SLC6A2: variants seen among roughly 807,000 people sequenced by gnomAD.
SLC6A2 encodes the protein solute carrier family 6 member 2.
SLC6A2 carries 26 observed loss-of-function variants against 71.7 expected under a neutral mutation model. The observed-to-expected ratio is 0.36, with a 90% CI of 0.27 to 0.50. SLC6A2 has a LOEUF of 0.50. Ranked by LOEUF, SLC6A2 falls within the 20% of genes least tolerant of loss-of-function variation. The pLI, the probability that SLC6A2 is intolerant of heterozygous loss-of-function variation, is 0.96. For missense variants in SLC6A2, 581 were observed against 803.9 expected (o/e 0.72, Z 3.35); for synonymous variants, 363 against 337.9 (o/e 1.07, Z -0.82).
rs371816283 is a variant in SLC6A2 at position 55,671,940 on chromosome 16, G to A, written c.409G>A (p.Val137Ile). The A allele has an allele frequency of 6.2e-7, 1 of 1,614,110 alleles. No homozygotes were observed. The highest frequency in any genetic ancestry group is 1.1e-5 in the South Asian group (1 of 91,078). ...VWKICPFFKG[V>I]GYAVILIALY... ...CCTTACCCCCTGTCCCTGCCCAGGCGTTGGCTATGCTGTCATCCTGATCGC... is the reference window on the plus strand; with the variant it reads ...CCTTACCCCCTGTCCCTGCCCAGGCATTGGCTATGCTGTCATCCTGATCGC... The change falls in exon 4 of 15, where the codon GTT (valine) becomes ATT (isoleucine). Residue 137 changes from valine (V) to isoleucine (I), a missense_variant and splice_region_variant. By Grantham distance (29) the Val-to-Ile change is conservative. Around this residue, in one of 5 missense-constraint regions of SLC6A2, gnomAD observed 81 missense variants for 152.4 expected, o/e 0.53. Coordinates refer to ENST00000568943, the MANE Select transcript of SLC6A2 (RefSeq NM_001172501.3).
At chr16:55,697,839 A>G in intron 9 of SLC6A2, 58 bp from the exon 10 acceptor site, 1 of 1,605,206 alleles carries the variant, frequency 6.2e-7, no homozygotes, top group Non-Finnish European at 8.5e-7. Context: ...CTGGGGCCTG[A>G]GACTGAGGTC....
At chr16:55,686,450 T>G (rs1183686975) in intron 5 of SLC6A2, among the ~76,000 whole-genome samples, 1 of 152,128 alleles carries the variant, frequency 6.6e-6, no homozygotes, top group East Asian at 1.9e-4. Context: ...ATTGTCCCAG[T>G]GGCCAAAACA....
chr16:55,705,438 G>T lies in SLC6A2; in HGVS notation c.*3092G>T, dbSNP rs1358415959. 1.7e-5 allele frequency: 10 copies of T among 576,020 alleles called. No individual in the cohort carries two copies. The highest frequency in any genetic ancestry group is 2.4e-5 in the Non-Finnish European group (8 of 329,180). The allele number at this position is 576,020 out of a possible 1,614,324, so 35.7% of individuals were successfully genotyped here. ...GAAGCCCATTGAACTCACTTTATTT[G>T]TTTATTTCCTTCGAAAGCCACCGAA... On this transcript the variant is annotated 3_prime_UTR_variant, in exon 15 of 15. Coordinates refer to ENST00000568943, the MANE Select transcript of SLC6A2 (RefSeq NM_001172501.3).
chr16:55,683,608 C>T (rs1046365135), intron 4 of SLC6A2, among the ~76,000 whole-genome samples: 4 of 136,402 alleles, frequency 2.9e-5, no homozygotes, highest in South Asian at 2.3e-4. Context: ...AGTGAAACTC[C>T]GTCTCAAACA....
chr16:55,678,616 G>A (rs1965170543), intron 4 of SLC6A2, among the ~76,000 whole-genome samples: 1 of 152,114 alleles, frequency 6.6e-6, no homozygotes, highest in African/African-American at 2.4e-5. Context: ...TGTGTAAAAG[G>A]CCACCTTTGG....
chr16:55,687,629 C>A (rs1356727316), intron 5 of SLC6A2, among the ~76,000 whole-genome samples: 1 of 152,200 alleles, frequency 6.6e-6, no homozygotes, highest in Non-Finnish European at 1.5e-5. Flanking sequence ...CAGACAGAGA[C>A]CCTGAGGGGA....
At position 55,705,046 on chromosome 16, in the gene SLC6A2, G is replaced by A. The variant is rs150058368; in HGVS notation, c.*2700G>A. ...TTGTTTTTAATAGCAGAGGTCACCC[G>A]GGACAAGGGTGCTGTGTACTGTATA... On this transcript the variant is annotated 3_prime_UTR_variant, in exon 15 of 15. Coordinates refer to ENST00000568943, the MANE Select transcript of SLC6A2 (RefSeq NM_001172501.3). 1.7e-4 allele frequency: 89 copies of A among 523,266 alleles called. No individual in the cohort carries two copies. The highest frequency in any genetic ancestry group is 1.3e-3 in the African/African-American group (68 of 52,160). The allele number at this position is 523,266 out of a possible 1,614,324, so 32.4% of individuals were successfully genotyped here. A position where few individuals can be genotyped will look rare whatever the true frequency, so the allele number is the denominator to read the frequency against.
At chr16:55,679,205 A>G (rs1388372872) in intron 4 of SLC6A2, among the ~76,000 whole-genome samples, 2 of 151,770 alleles carry the variant, frequency 1.3e-5, no homozygotes, top group Non-Finnish European at 2.9e-5. Flanking sequence ...GGGTCAGTAC[A>G]TGCCTCTGGT....
chr16:55,659,692 C>G (rs1351450759), intron 2 of SLC6A2, among the ~76,000 whole-genome samples: 1 of 152,296 alleles, frequency 6.6e-6, no homozygotes, highest in Admixed American at 6.5e-5. Context: ...TGCTCCAAGC[C>G]CTCAAAGACC....
chr16:55,694,156 G>A, intron 7 of SLC6A2, 43 bp downstream of exon 7: 1 of 1,363,260 alleles, frequency 7.3e-7, no homozygotes, highest in Non-Finnish European at 1.1e-6. Context: ...AAATCCTGGG[G>A]ATTGACTCTT....
At chr16:55,698,611 GA>G in intron 11 of SLC6A2, 43 bp downstream of exon 11, 1 of 1,382,910 alleles carries the variant, frequency 7.2e-7, no homozygotes, top group South Asian at 1.2e-5. Flanking sequence ...AGTCCTCCTA[GA>G]ATCCTGCACC....
rs771345537 is a variant in SLC6A2 at position 55,685,112 on chromosome 16, A to G, written c.645-31A>G. 49 of 1,613,220 alleles carry G rather than the reference A, an allele frequency of 3.0e-5. No individual in the cohort carries two copies. The African/African-American group carries it at 5.9e-4, about 19-fold the overall frequency. Reference sequence around the variant, plus strand: ...TCTGTCGTCCTCCCTGACGACATTTACCCTGGTCCCCTCCCCTCTCCTCTG... The same window carrying G: ...TCTGTCGTCCTCCCTGACGACATTTGCCCTGGTCCCCTCCCCTCTCCTCTG... On this transcript the variant is annotated intron_variant, in intron 4 of 14. Coordinates refer to ENST00000568943, the MANE Select transcript of SLC6A2 (RefSeq NM_001172501.3).
At chr16:55,681,368 C>T (rs1965266450) in intron 4 of SLC6A2, among the ~76,000 whole-genome samples, 1 of 152,184 alleles carries the variant, frequency 6.6e-6, no homozygotes, top group African/African-American at 2.4e-5. Context: ...TGCCACCAGC[C>T]CCCGGCACAC....
At chr16:55,679,506 C>A (rs540061820) in intron 4 of SLC6A2, among the ~76,000 whole-genome samples, 1 of 152,244 alleles carries the variant, frequency 6.6e-6, no homozygotes, top group East Asian at 1.9e-4. Flanking sequence ...GGATTGAAGG[C>A]GTGAGCCACC....
chr16:55,690,498 C>T (rs1965582796), intron 5 of SLC6A2, among the ~76,000 whole-genome samples: 1 of 152,182 alleles, frequency 6.6e-6, no homozygotes, highest in African/African-American at 2.4e-5. Flanking sequence ...CCTGGGGCTA[C>T]ATAGTTCCAG....
intron 4 of SLC6A2, among the ~76,000 whole-genome samples, chr16:55,672,421 AG>A (rs1259289615): frequency 1.3e-5 from 2 of 152,196 alleles, no homozygotes; most frequent in African/African-American, 4.8e-5. Context: ...TAAACAGGTA[AG>A]GGAGTGAGAA....
rs201774381 is a variant in SLC6A2 at position 55,702,747 on chromosome 16, C to CCCA, written c.*401_*402insCCA. ...TGGGCTTTTGATCAGATACCCCTCCCAAAAAAAAAAAAAACTAAAACTAAA... is the reference window on the plus strand; with the variant it reads ...TGGGCTTTTGATCAGATACCCCTCCCCCAAAAAAAAAAAAAAACTAAAACTAAA... On this transcript the variant is annotated 3_prime_UTR_variant, in exon 15 of 15. Coordinates refer to ENST00000568943, the MANE Select transcript of SLC6A2 (RefSeq NM_001172501.3). The CCCA allele has an allele frequency of 3.9e-5, 36 of 920,656 alleles. No individual in the cohort carries two copies. The African/African-American group carries it at 5.8e-4, about 15-fold the overall frequency. The allele number at this position is 920,656 out of a possible 1,614,324, so 57.0% of individuals were successfully genotyped here.
intron 3 of SLC6A2, among the ~76,000 whole-genome samples, chr16:55,670,806 T>C (rs1295294558): frequency 6.6e-6 from 1 of 152,210 alleles, no homozygotes; most frequent in Non-Finnish European, 1.5e-5. Context: ...TCACTGTGGC[T>C]GTCAGGAAGC....
rs921597125 is a variant in SLC6A2, at chr16:55,693,922, C to T, written c.919-88C>T. 2.5e-5 allele frequency: 22 copies of T among 894,184 alleles called. No homozygotes were observed. In the African/African-American group the frequency reaches 2.9e-4, roughly 12 times the overall value. 55.4% of individuals were successfully genotyped at this position (894,184 alleles called of 1,614,324 possible). On this transcript the variant is annotated intron_variant, in intron 6 of 14. Transcript: ENST00000568943. ...CATGTTTCCTCTGGTCTCAGAGCAT[C>T]CCCAGGGTTTCTCAGCCCTTCCGGA...
Sources: gnomAD v4.1 joint callset for allele counts (sites outside exome capture counted in the v4.1 genomes callset) on GRCh38, gnomAD v4.1.1 for gene constraint, gnomAD v4.1.1 regional missense constraint, MANE v1.5 for transcripts, NCBI Gene and HGNC (gene_info 2026-07-23, HGNC 2026-07-21) for gene names.